Variants in AMZ1 observed in about 807,000 individuals in gnomAD.
The protein encoded by AMZ1 is archaelysin family metallopeptidase 1.
A neutral mutation model predicts 29.9 loss-of-function variants in AMZ1; 39 were observed. The observed-to-expected ratio is 1.30, with a 90% CI of 1.01 to 1.70. AMZ1 has a LOEUF of 1.70. Ranked by LOEUF, AMZ1 falls within the 40% of genes most tolerant of loss-of-function variation. The pLI is 0.00. For missense variants in AMZ1, 1,041 were observed against 680.6 expected, an observed-to-expected ratio of 1.53 and a Z score of -5.89; for synonymous variants, 458 against 304.0, an observed-to-expected ratio of 1.51 and a Z score of -5.27.
chr7:2,762,296 C>T (rs547442744), upstream of AMZ1: 2 of 273,870 alleles, frequency 7.3e-6, no homozygotes, highest in East Asian at 6.4e-5. Context: ...GCGGGGCCGG[C>T]GTGCACCCAC....
chr7:2,733,431 G>C lies in AMZ1; in HGVS notation n.550+23615G>C, dbSNP rs186581134. 24 of 1,609,890 alleles carry C rather than the reference G, an allele frequency of 1.5e-5. No homozygotes were observed. The African/African-American group carries it at 2.4e-4, about 16-fold the overall frequency. The stretch of plus-strand genomic sequence containing the variant: ...TCTAACCCTGGAGCCCAGCTTCTTC[G>C]GGCGGGCGTGCTTACTCACCAGCTG... On this transcript the variant is annotated intron_variant and non_coding_transcript_variant, in intron 4 of 4. Coordinates refer to the AMZ1 transcript ENST00000489665.
At chr7:2,759,427 C>T (rs182565279) in intron 4 of AMZ1, among the ~76,000 whole-genome samples, 5 of 152,252 alleles carry the variant, frequency 3.3e-5, no homozygotes, top group Admixed American at 3.3e-4. Context: ...CTGTTCTGTC[C>T]ATGTGACAGA....
At chr7:2,708,484 CA>C in intron 3 of AMZ1, 103 bp from the exon 4 acceptor site, 1 of 1,530,220 alleles carries the variant, frequency 6.5e-7, no homozygotes, top group South Asian at 1.2e-5. Flanking sequence ...TGGGAAGGGG[CA>C]GGGCCCAGGC....
intron 4 of AMZ1, among the ~76,000 whole-genome samples, chr7:2,754,166 T>C (rs957840191): frequency 6.6e-6 from 1 of 152,226 alleles, no homozygotes; most frequent in Non-Finnish European, 1.5e-5. Context: ...TCTGTGTTAA[T>C]AGGTGTGTAG....
Position 2,731,798 on chromosome 7 carries a change from C to A in AMZ1, n.550+21982C>A. The A allele has an allele frequency of 1.0e-6, 1 of 986,582 alleles. No individual in the cohort carries two copies. The highest frequency in any genetic ancestry group is 1.4e-6 in the Non-Finnish European group (1 of 692,904). 61.1% of individuals were successfully genotyped at this position (986,582 alleles called of 1,614,324 possible). The stretch of plus-strand genomic sequence containing the variant: ...GAAATTTAGGGGGAGGAAGAAAGAA[C>A]AGAGAAAATAGAAACAAAAAGATGG... On this transcript the variant is annotated intron_variant and non_coding_transcript_variant, in intron 4 of 4. Coordinates refer to the AMZ1 transcript ENST00000489665. The surrounding 1 kb of genome is among the most constrained non-coding windows in gnomAD (Gnocchi z 6.0).
chr7:2,694,841 T>G (rs1157116895), intron 1 of AMZ1, among the ~76,000 whole-genome samples: 1 of 151,924 alleles, frequency 6.6e-6, no homozygotes, highest in Non-Finnish European at 1.5e-5. Context: ...CCTGGCTAAT[T>G]TTTGTACTTT....
At chr7:2,761,621 G>A (rs1037132491), upstream of AMZ1, among the ~76,000 whole-genome samples, 5 of 152,096 alleles carry the variant, frequency 3.3e-5, no homozygotes, top group African/African-American at 7.2e-5. Context: ...GCACGTTCCC[G>A]AACCGGCCTC....
upstream of AMZ1, among the ~76,000 whole-genome samples, chr7:2,683,469 G>A (rs1465130284): frequency 6.6e-6 from 1 of 151,950 alleles, no homozygotes; most frequent in Non-Finnish European, 1.5e-5. Flanking sequence ...ACAGAGTCTG[G>A]CTCTGTCACC....
chr7:2,682,836 A>T lies in AMZ1; in HGVS notation c.-219+3165A>T, dbSNP rs143145733. 9.5e-3 allele frequency among the ~76,000 whole-genome samples: 1,426 copies of T among 150,284 alleles called. 7 individuals carry two copies. Among genetic ancestry groups the T allele is most frequent in the Non-Finnish European group, 0.017 (1,142 of 67,800 alleles). ...CACCCATCTTTGCCCAGATCCCTGC[A>T]GGCATTCTGTACAGGGAGGCCTGTG... is the stretch of plus-strand genomic sequence containing the variant. On this transcript the variant is annotated intron_variant, in intron 1 of 6. Coordinates refer to the AMZ1 transcript ENST00000312371.
chr7:2,711,497 TA>T (rs779324409), intron 6 of AMZ1, among the ~76,000 whole-genome samples: 62 of 152,216 alleles, frequency 4.1e-4, no homozygotes, highest in Non-Finnish European at 8.1e-4. Context: ...GTGTCCCCTG[TA>T]CAGATGCAGG....
chr7:2,690,425 T>A (rs1787318878), intron 1 of AMZ1, among the ~76,000 whole-genome samples: 1 of 152,092 alleles, frequency 6.6e-6, no homozygotes, highest in Non-Finnish European at 1.5e-5. Flanking sequence ...TTGCCATATT[T>A]CCCCAGGCTG....
rs1788566281 is a variant in AMZ1 at position 2,709,069 on chromosome 7, C to A, written c.602-6C>A. The A allele has an allele frequency of 1.3e-6, 2 of 1,579,402 alleles. No homozygotes were observed. Among genetic ancestry groups the A allele is most frequent in the South Asian group, 2.3e-5 (2 of 85,836 alleles). On this transcript the variant is annotated splice_polypyrimidine_tract_variant and splice_region_variant and intron_variant, in intron 4 of 6. Coordinates refer to ENST00000683327, the MANE Select transcript of AMZ1 (RefSeq NM_001384743.1). Reference sequence around the variant, plus strand: ...TGAGAGTGCCCTTCTCTCCATCTCTCTCCAGAAGTGGGCGTCTGCAGCTTC... The same window carrying A: ...TGAGAGTGCCCTTCTCTCCATCTCTATCCAGAAGTGGGCGTCTGCAGCTTC...
At chr7:2,751,462 C>T (rs545252921) in intron 4 of AMZ1, among the ~76,000 whole-genome samples, 8 of 149,404 alleles carry the variant, frequency 5.4e-5, no homozygotes, top group Non-Finnish European at 1.0e-4. Context: ...CCAAAGGTAC[C>T]ACCTCAAAGA....
intron 4 of AMZ1, among the ~76,000 whole-genome samples, chr7:2,737,143 A>G (rs899943360): frequency 5.3e-5 from 8 of 152,164 alleles, no homozygotes; most frequent in African/African-American, 1.9e-4. Context: ...GTAAGCGTCT[A>G]AGTAGGGACA....
rs1055670526 is a variant in AMZ1 at position 2,717,030 on chromosome 7, G to A, written c.*4152G>A. On this transcript the variant is annotated 3_prime_UTR_variant, in exon 7 of 7. Coordinates refer to ENST00000683327, the MANE Select transcript of AMZ1 (RefSeq NM_001384743.1). Reference sequence around the variant, plus strand: ...AGAGAGTAAGAAGGCGCACGGACGCGGGAGGCCTGCACCCTGATCCCTGAG... The same window carrying A: ...AGAGAGTAAGAAGGCGCACGGACGCAGGAGGCCTGCACCCTGATCCCTGAG... 2.0e-5 allele frequency among the ~76,000 whole-genome samples: 3 copies of A among 152,186 alleles called. No individual in the cohort carries two copies. Among genetic ancestry groups the A allele is most frequent in the African/African-American group, 4.8e-5 (2 of 41,436 alleles).
chr7:2,709,900 T>G, intron 6 of AMZ1, 84 bp downstream of exon 6: 1 of 1,545,512 alleles, frequency 6.5e-7, no homozygotes, highest in Non-Finnish European at 8.8e-7. Context: ...ACGCAGGGCA[T>G]GGGGACCGCA....
At chr7:2,763,196 A>ACACACG (rs1042770910), upstream of AMZ1, 2 of 124,590 alleles carry the variant, frequency 1.6e-5, no homozygotes, top group African/African-American at 7.0e-5. Context: ...ACCCCAACAC[A>ACACACG]CACACACACA....
chr7:2,692,431 A>G (rs1787456265), intron 1 of AMZ1, among the ~76,000 whole-genome samples: 2 of 152,184 alleles, frequency 1.3e-5, no homozygotes, highest in South Asian at 2.1e-4. Context: ...AGTCCCAGCT[A>G]TTCGGGAGGC....
chr7:2,713,541 A>T lies in AMZ1; in HGVS notation c.*663A>T, dbSNP rs751885718. The stretch of plus-strand genomic sequence containing the variant: ...TCAGATGAGGAGTGACCCCGGGGGC[A>T]CACAGGCTCCACACTGCCACCCAGC... On this transcript the variant is annotated 3_prime_UTR_variant, in exon 7 of 7. Transcript: ENST00000683327. The T allele has an allele frequency of 6.6e-6, 1 of 152,534 alleles. No individual in the cohort carries two copies. Among genetic ancestry groups the T allele is most frequent in the African/African-American group, 2.4e-5 (1 of 41,464 alleles). 9.4% of individuals were successfully genotyped at this position (152,534 alleles called of 1,614,324 possible).
Sources: allele counts gnomAD v4.1 joint callset (sites outside exome capture counted in the v4.1 genomes callset), GRCh38; gene constraint gnomAD v4.1.1; non-coding constraint Gnocchi (gnomAD v3.1); transcripts MANE v1.5; gene names NCBI Gene and HGNC (gene_info 2026-07-23, HGNC 2026-07-21).